Variants in RBM11 observed in about 807,000 individuals in gnomAD.
RBM11 encodes splicing regulator RBM11.
In RBM11, 18 loss-of-function variants were observed where a neutral mutation model predicts 21.4. The ratio of observed to expected loss-of-function variants is 0.84; its 90% CI spans 0.58 to 1.25. The LOEUF (loss-of-function observed/expected upper bound fraction) is 1.25. Ranked by LOEUF, RBM11 falls within the 50% of genes most tolerant of loss-of-function variation. The pLI, the probability that RBM11 is intolerant of heterozygous loss-of-function variation, is 0.00. For synonymous variants in RBM11, 120 were observed against 116.3 expected (o/e 1.03, Z -0.20); for missense variants, 294 against 331.9 (o/e 0.89, Z 0.89).
At chr21:14,224,590 A>G (rs1978944866) in intron 4 of RBM11, 53 bp downstream of exon 4, 2 of 1,505,538 alleles carry the variant, frequency 1.3e-6, no homozygotes, top group Admixed American at 4.6e-5. Context: ...AACTATGAAG[A>G]ACATAAAGGC....
At position 14,227,191 on chromosome 21, in the gene RBM11, G is replaced by A; in HGVS notation, c.744G>A (p.Lys248=). 1.2e-6 allele frequency: 2 copies of A among 1,614,006 alleles called. No homozygotes were observed. Among genetic ancestry groups the A allele is most frequent in the Non-Finnish European group, 1.7e-6 (2 of 1,179,906 alleles). ...DSDLYQMNKR[K]RQKQTSDSDS... The stretch of plus-strand genomic sequence containing the variant: ...ACCTTTATCAGATGAATAAACGAAA[G>A]AGACAAAAGCAAACAAGTGATAGTG... The change falls in exon 5 of 5, where the codon AAG becomes AAA. Residue 248 remains lysine, a synonymous_variant. Coordinates refer to ENST00000400577, the MANE Select transcript of RBM11 (RefSeq NM_144770.5).
At position 14,216,241 on chromosome 21, in the gene RBM11, G is replaced by A. The variant is rs997228566; in HGVS notation, c.55G>A (p.Ala19Thr). 6.2e-7 allele frequency: 1 copy of A among 1,613,872 alleles called. No individual in the cohort carries two copies. The highest frequency in any genetic ancestry group is 8.5e-7 in the Non-Finnish European group (1 of 1,179,814). The change falls in exon 1 of 5, where the codon GCC (alanine) becomes ACC (threonine). Residue 19 changes from alanine (A) to threonine (T), a missense_variant. By Grantham distance (58) the Ala-to-Thr change is moderately conservative. Around this residue, in one of 2 missense-constraint regions of RBM11, gnomAD observed 181 missense variants for 164.6 expected, o/e 1.10. Transcript: ENST00000400577. ...DRTVFVGNLE[A>T]RVREEILYEL... is the part of the protein sequence containing the mutation. ...GACCGTGTTTGTTGGGAATTTAGAG[G>A]CCCGAGTTCGGGAAGAGATTCTGTA...
At chr21:14,222,905 G>T (rs384358) in intron 3 of RBM11, among the ~76,000 whole-genome samples, 34,624 of 151,270 alleles carry the variant, frequency 0.23, 4,145 homozygotes, top group African/African-American at 0.31. Context: ...TAGCATAAAG[G>T]GGGGGAAGCA....
chr21:14,219,692 T>C lies in RBM11; in HGVS notation c.226T>C (p.Tyr76His), dbSNP rs752115829. ...AGCTTTGCTGAATGGAATTCGTTTA[T>C]ATGGAAGACCAATTAACGTGCAGTA... Reference protein sequence around the residue: ...AIALLNGIRLYGRPINVQYRF... With the variant: ...AIALLNGIRLHGRPINVQYRF... The change falls in exon 2 of 5, where the codon TAT becomes CAT. Residue 76 changes from tyrosine (Y) to histidine (H), a missense_variant. Physicochemically the swap from Tyr to His is moderately conservative, Grantham distance 83 (BLOSUM62 2). Around this residue, in one of 2 missense-constraint regions of RBM11, gnomAD observed 181 missense variants for 164.6 expected, o/e 1.10. Transcript: ENST00000400577. 4 of 1,605,286 alleles carry C rather than the reference T, an allele frequency of 2.5e-6. No individual in the cohort carries two copies. The highest frequency in any genetic ancestry group is 3.4e-6 in the Non-Finnish European group (4 of 1,174,086).
rs747507665 is a variant in RBM11, at chr21:14,227,534, A to G, written c.*241A>G. The G allele has an allele frequency of 8.6e-6, 4 of 467,492 alleles. No homozygotes were observed. Among genetic ancestry groups the G allele is most frequent in the African/African-American group, 2.0e-5 (1 of 50,240 alleles). The allele number at this position is 467,492 out of a possible 1,614,324, so 29.0% of individuals were successfully genotyped here. On this transcript the variant is annotated 3_prime_UTR_variant, in exon 5 of 5. Transcript: ENST00000400577. Reference sequence around the variant, plus strand: ...TTTTTGACCCATTGGCAACAAATAGACTATTGTCATTTTATTAGTACCAAT... The same window carrying G: ...TTTTTGACCCATTGGCAACAAATAGGCTATTGTCATTTTATTAGTACCAAT...
intron 1 of RBM11, 58 bp downstream of exon 1, chr21:14,216,340 C>G: frequency 6.7e-7 from 1 of 1,486,126 alleles, no homozygotes; most frequent in Middle Eastern, 1.7e-4. Flanking sequence ...GGAAACATAG[C>G]GCGCACCTGG....
At chr21:14,223,973 T>C (rs192387791) in intron 3 of RBM11, among the ~76,000 whole-genome samples, 1 of 152,234 alleles carries the variant, frequency 6.6e-6, no homozygotes, top group Non-Finnish European at 1.5e-5. Context: ...TCTTGGACTC[T>C]CCAGCCTGAA....
intron 3 of RBM11, 108 bp from the exon 4 acceptor site, chr21:14,224,330 A>G: frequency 2.1e-6 from 3 of 1,441,498 alleles, no homozygotes; most frequent in Non-Finnish European, 2.8e-6. Context: ...TCCTCTATGC[A>G]GACAACTTTG....
chr21:14,219,979 AGCTATGATGGTT>A (rs1339529791), intron 2 of RBM11, among the ~76,000 whole-genome samples: 1 of 152,228 alleles, frequency 6.6e-6, no homozygotes, highest in Non-Finnish European at 1.5e-5. Flanking sequence ...GCCAGCAAGT[AGCTATGATGGTT>A]GCTATTGGCC....
chr21:14,219,771 A>T (rs368403897), intron 2 of RBM11, 46 bp downstream of exon 2: 2 of 1,480,256 alleles, frequency 1.4e-6, no homozygotes, highest in East Asian at 4.6e-5. Flanking sequence ...TGTGGTTGGT[A>T]CTATTCTCAG....
Position 14,227,295 on chromosome 21 carries a change from A to G in RBM11, c.*2A>G, listed in dbSNP as rs753964406. 1.6e-5 allele frequency: 25 copies of G among 1,600,218 alleles called. No homozygotes were observed. The South Asian group carries it at 2.4e-4, about 15-fold the overall frequency. ...TCTAAGAAGAAGAAAAGATACTAGTATTACCTACAAATGAAACTTACCTAC... is the reference window on the plus strand; with the variant it reads ...TCTAAGAAGAAGAAAAGATACTAGTGTTACCTACAAATGAAACTTACCTAC... On this transcript the variant is annotated 3_prime_UTR_variant, in exon 5 of 5. Transcript: ENST00000400577.
At chr21:14,216,328 C>T (rs1197680347) in intron 1 of RBM11, 46 bp downstream of exon 1, 1 of 1,552,882 alleles carries the variant, frequency 6.4e-7, no homozygotes, top group Non-Finnish European at 8.8e-7. Flanking sequence ...GCACGTCGGG[C>T]CGGAAACATA....
rs1568894785 is a variant in RBM11, at chr21:14,216,357, C to T, written c.96+75C>T. 7.2e-6 allele frequency: 9 copies of T among 1,252,014 alleles called. No individual in the cohort carries two copies. The Admixed American group carries it at 1.5e-4, about 22-fold the overall frequency. The allele number at this position is 1,252,014 out of a possible 1,614,324, so 77.6% of individuals were successfully genotyped here. On this transcript the variant is annotated intron_variant, in intron 1 of 4. Coordinates refer to ENST00000400577, the MANE Select transcript of RBM11 (RefSeq NM_144770.5). ...AAACATAGCGCGCACCTGGACCACC[C>T]GGAGCCCGGCCCCCTTCCGTCCCAT...
intron 4 of RBM11, among the ~76,000 whole-genome samples, chr21:14,225,092 G>C (rs1263031636): frequency 6.6e-6 from 1 of 151,894 alleles, no homozygotes; most frequent in East Asian, 1.9e-4. Context: ...CTGGCCAATA[G>C]AGCAAGACTC....
chr21:14,227,033 G>C lies in RBM11; in HGVS notation c.586G>C (p.Asp196His). 1 of 1,584,638 alleles carries C rather than the reference G, an allele frequency of 6.3e-7. No homozygotes were observed. Among genetic ancestry groups the C allele is most frequent in the Non-Finnish European group, 8.7e-7 (1 of 1,154,864 alleles). The part of the protein sequence containing the change: ...SYKWTHQQPS[D>H]SDLYQMTAPL... ...TAAATGGACTCACCAACAACCAAGT[G>C]ACTCTGACCTTTATCAGATGACAGC... The change falls in exon 5 of 5, where the codon GAC becomes CAC. Residue 196 changes from aspartate to histidine, a missense_variant. Asp to His is a moderately conservative substitution (Grantham distance 81, BLOSUM62 -1). This residue lies in a region of RBM11 where 113 missense variants were observed against 167.3 expected (regional missense o/e 0.68). Transcript: ENST00000400577.
intron 4 of RBM11, among the ~76,000 whole-genome samples, chr21:14,225,291 C>T (rs972129168): frequency 1.3e-5 from 2 of 152,162 alleles, no homozygotes; most frequent in Admixed American, 6.5e-5. Context: ...GTCCTTCATG[C>T]ACACATCACA....
At chr21:14,216,392 G>T in intron 1 of RBM11, 110 bp downstream of exon 1, 1 of 870,170 alleles carries the variant, frequency 1.1e-6, no homozygotes, top group South Asian at 1.6e-5. Flanking sequence ...TCCTGAGCAG[G>T]GGTTTTAATT....
rs1473896716 is a variant in RBM11 at position 14,216,282 on chromosome 21, G to A, written c.96G>A (p.Gln32=). The A allele has an allele frequency of 8.7e-6, 14 of 1,612,986 alleles. No homozygotes were observed. The highest frequency in any genetic ancestry group is 1.2e-5 in the Non-Finnish European group (14 of 1,179,484). The part of the protein sequence containing the change: ...REEILYELFL[Q]AGPLTKVTIC... ...AGATTCTGTACGAGCTGTTCCTTCA[G>A]GTACCGTCTCTGGGAAGGGGCGGCG... Residue 32 remains glutamine (Q), a splice_region_variant and synonymous_variant, in exon 1 of 5, where the codon CAG becomes CAA. Coordinates refer to ENST00000400577, the MANE Select transcript of RBM11 (RefSeq NM_144770.5).
At chr21:14,222,051 C>T (rs1346222904) in intron 3 of RBM11, among the ~76,000 whole-genome samples, 1 of 151,906 alleles carries the variant, frequency 6.6e-6, no homozygotes, top group Non-Finnish European at 1.5e-5. Context: ...AAAAACAATC[C>T]GTTCTTGCAA....
Sources: gnomAD v4.1 joint callset for allele counts (sites outside exome capture counted in the v4.1 genomes callset) on GRCh38, gnomAD v4.1.1 for gene constraint, gnomAD v4.1.1 regional missense constraint, MANE v1.5 for transcripts, NCBI Gene and HGNC (gene_info 2026-07-23, HGNC 2026-07-21) for gene names.